The following PDZRN4 variants were observed in gnomAD, a reference collection of about 807,000 sequenced individuals.
PDZRN4 encodes PDZ domain containing ring finger 4.
Under a neutral mutation model 99.0 loss-of-function variants are expected in PDZRN4, and 70 were observed. The observed-to-expected ratio is 0.71, with a 90% CI of 0.58 to 0.86. The LOEUF (loss-of-function observed/expected upper bound fraction) is 0.86, where lower values mean the gene tolerates loss of function less well. Among genes scored for constraint, PDZRN4 ranks in the 40% least tolerant of loss-of-function variants. The pLI is 0.00. For synonymous variants in PDZRN4, 551 were observed against 501.6 expected (o/e 1.10, Z -1.32); for missense variants, 1,474 against 1,331.2 (o/e 1.11, Z -1.67).
chr12:41,448,783 G>A (rs546283982), intron 3 of PDZRN4, among the ~76,000 whole-genome samples: 1 of 152,218 alleles, frequency 6.6e-6, no homozygotes, highest in East Asian at 1.9e-4. Context: ...TCAAATTTAA[G>A]AACAGCTGGG....
intron 7 of PDZRN4, among the ~76,000 whole-genome samples, chr12:41,561,093 AG>A (rs1173994624): frequency 2.6e-5 from 4 of 152,264 alleles, no homozygotes; most frequent in African/African-American, 9.6e-5. Context: ...ATGAGTTCTC[AG>A]GGGAGAGAAA....
At chr12:41,371,702 T>C (rs1279469208) in intron 3 of PDZRN4, among the ~76,000 whole-genome samples, 1 of 152,172 alleles carries the variant, frequency 6.6e-6, no homozygotes, top group Non-Finnish European at 1.5e-5. Context: ...ATTTGGTTTG[T>C]TTTCTGAACT....
Position 41,572,441 on chromosome 12 carries a change from A to C in PDZRN4, c.1662A>C (p.Gly554=). Residue 554 remains glycine (G), a synonymous_variant, in exon 10 of 10, where the codon GGA becomes GGC. Transcript: ENST00000402685. ...CCAACAACCATGAGAAGGACAGTGG[A>C]GTAGGACGTACAGATGAAAGCTTGC... ...SSSNNHEKDS[G]VGRTDESLRN... is the part of the protein sequence containing the mutation. 6.2e-7 allele frequency: 1 copy of C among 1,614,156 alleles called. No homozygotes were observed. Among genetic ancestry groups the C allele is most frequent in the Non-Finnish European group, 8.5e-7 (1 of 1,179,994 alleles).
At chr12:41,224,000 G>A (rs1566372675) in intron 3 of PDZRN4, among the ~76,000 whole-genome samples, 1 of 152,204 alleles carries the variant, frequency 6.6e-6, no homozygotes, top group Non-Finnish European at 1.5e-5. Context: ...ATGGTAGGAG[G>A]GGGACTAAGT....
chr12:41,553,199 C>A (rs1050828774), intron 6 of PDZRN4, among the ~76,000 whole-genome samples: 1 of 152,184 alleles, frequency 6.6e-6, no homozygotes, highest in Non-Finnish European at 1.5e-5. Context: ...CAGTTGAATA[C>A]CCAATGAGTG....
At chr12:41,346,579 G>A (rs1052947310) in intron 3 of PDZRN4, among the ~76,000 whole-genome samples, 9 of 151,898 alleles carry the variant, frequency 5.9e-5, no homozygotes, top group African/African-American at 2.2e-4. Context: ...ATTTTTTAGT[G>A]CTCTAAATTT....
intron 7 of PDZRN4, 79 bp from the exon 8 acceptor site, chr12:41,563,469 A>G: frequency 9.8e-7 from 1 of 1,025,510 alleles, no homozygotes; most frequent in Non-Finnish European, 1.5e-6. Context: ...ATTTACCATA[A>G]ATGAGCTGAT....
chr12:41,263,568 T>A (rs764776730), intron 3 of PDZRN4, among the ~76,000 whole-genome samples: 88 of 152,146 alleles, frequency 5.8e-4, no homozygotes, highest in Admixed American at 5.9e-4. Context: ...TTGCCTGTAA[T>A]CCCAGCTACT....
At chr12:41,298,450 T>A (rs977324307) in intron 3 of PDZRN4, among the ~76,000 whole-genome samples, 6 of 152,186 alleles carry the variant, frequency 3.9e-5, no homozygotes, top group African/African-American at 1.2e-4. Flanking sequence ...CTTTTTGTTT[T>A]TAGATATCTG....
intron 3 of PDZRN4, among the ~76,000 whole-genome samples, chr12:41,271,893 A>G (rs1296657066): frequency 1.3e-5 from 2 of 152,072 alleles, no homozygotes; most frequent in African/African-American, 2.4e-5. Flanking sequence ...TGGAAATAAA[A>G]CACATGCTGC....
intron 3 of PDZRN4, among the ~76,000 whole-genome samples, chr12:41,425,784 T>C (rs1163093593): frequency 6.6e-6 from 1 of 152,216 alleles, no homozygotes; most frequent in East Asian, 1.9e-4. Flanking sequence ...TAATGGGTCT[T>C]CTTTAACCTA....
At chr12:41,471,733 T>C (rs1473316485) in intron 3 of PDZRN4, among the ~76,000 whole-genome samples, 2 of 150,946 alleles carry the variant, frequency 1.3e-5, no homozygotes, top group Non-Finnish European at 1.5e-5. Context: ...TTATAATAAT[T>C]ATTAGGGTGA....
Position 41,572,530 on chromosome 12 carries a change from G to T in PDZRN4, c.1751G>T (p.Ser584Ile), listed in dbSNP as rs1013068791. 5.0e-6 allele frequency: 8 copies of T among 1,614,086 alleles called. No individual in the cohort carries two copies. The highest frequency in any genetic ancestry group is 6.8e-6 in the Non-Finnish European group (8 of 1,180,012). The change falls in exon 10 of 10, where the codon AGC (serine) becomes ATC (isoleucine). Residue 584 changes from serine (S) to isoleucine (I), a missense_variant. Physicochemically the swap from Ser to Ile is moderately radical, Grantham distance 142 (BLOSUM62 -2). Transcript: ENST00000402685. The part of the protein sequence containing the change: ...AEDPNSTSLK[S>I]KRDLGQSQDT... Reference sequence around the variant, plus strand: ...GACCCCAATAGCACATCTTTGAAGAGCAAGAGAGACCTGGGGCAGAGCCAA... The same window carrying T: ...GACCCCAATAGCACATCTTTGAAGATCAAGAGAGACCTGGGGCAGAGCCAA...
chr12:41,543,247 CCGTCTA>C (rs1262254769), intron 5 of PDZRN4, among the ~76,000 whole-genome samples: 1 of 152,118 alleles, frequency 6.6e-6, no homozygotes, highest in African/African-American at 2.4e-5. Context: ...GCTTAAGCCT[CCGTCTA>C]TAGACAATGA....
intron 3 of PDZRN4, among the ~76,000 whole-genome samples, chr12:41,238,791 A>G (rs1951084970): frequency 6.6e-6 from 1 of 152,164 alleles, no homozygotes. Flanking sequence ...TGCTATTATT[A>G]AAAAATAAAA....
At chr12:41,223,903 A>T (rs1003233658) in intron 3 of PDZRN4, among the ~76,000 whole-genome samples, 6 of 152,202 alleles carry the variant, frequency 3.9e-5, no homozygotes, top group Admixed American at 2.0e-4. Flanking sequence ...AAGGGCTAGG[A>T]GTGGAAAGGT....
intron 5 of PDZRN4, among the ~76,000 whole-genome samples, chr12:41,527,983 A>C (rs1396891940): frequency 6.6e-6 from 1 of 152,240 alleles, no homozygotes; most frequent in Non-Finnish European, 1.5e-5. Flanking sequence ...TACTTTCATT[A>C]GGCTATTTTC....
intron 3 of PDZRN4, among the ~76,000 whole-genome samples, chr12:41,465,990 T>C (rs1298208734): frequency 6.6e-6 from 1 of 152,202 alleles, no homozygotes; most frequent in Non-Finnish European, 1.5e-5. Flanking sequence ...AAATCCTTAA[T>C]TATTAAGTAT....
At position 41,402,177 on chromosome 12, in the gene PDZRN4, G is replaced by GTA. The variant is rs1190039757; in HGVS notation, c.844-104266_844-104265dup. Among the ~76,000 whole-genome samples the GTA allele has an allele frequency of 2.7e-4, 15 of 56,546 alleles. 2 individuals carry two copies. The highest frequency in any genetic ancestry group is 1.2e-3 in the African/African-American group (9 of 7,266). The allele number at this position is 56,546 out of a possible 152,430, so 37.1% of individuals were successfully genotyped here. Reference sequence around the variant, plus strand: ...GTATATATATATATATACACACTGAGTATATATATATATACACACACACTG... The same window carrying GTA: ...GTATATATATATATATACACACTGAGTATATATATATATATACACACACACTG... On this transcript the variant is annotated intron_variant, in intron 3 of 9. Transcript: ENST00000402685.
Sources: gnomAD v4.1 joint callset for allele counts (sites outside exome capture counted in the v4.1 genomes callset) on GRCh38, gnomAD v4.1.1 for gene constraint, MANE v1.5 for transcripts, NCBI Gene and HGNC (gene_info 2026-07-23, HGNC 2026-07-21) for gene names.